The following TPPP variants were observed in gnomAD, a reference collection of about 807,000 sequenced individuals.
TPPP encodes the protein tubulin polymerization-promoting protein.
TPPP carries 6 observed loss-of-function variants against 15.5 expected under a neutral mutation model. The ratio of observed to expected loss-of-function variants is 0.39; its 90% CI spans 0.21 to 0.77. The LOEUF (loss-of-function observed/expected upper bound fraction) is 0.77. Among genes scored for constraint, TPPP ranks in the 30% least tolerant of loss-of-function variants. The pLI is 0.42. For synonymous variants in TPPP, 146 were observed against 133.9 expected (o/e 1.09, Z -0.63); for missense variants, 269 against 307.2 (o/e 0.88, Z 0.93).
the TPPP span, among the ~76,000 whole-genome samples, chr5:699,659 A>G: frequency 6.6e-6 from 1 of 151,876 alleles, no homozygotes; most frequent in Non-Finnish European, 1.5e-5. Flanking sequence ...AAAAGAAACT[A>G]TCAACAGGGT....
the TPPP span, among the ~76,000 whole-genome samples, chr5:700,438 G>T: frequency 6.6e-6 from 1 of 152,104 alleles, no homozygotes; most frequent in African/African-American, 2.4e-5. Flanking sequence ...CACTCCAAAA[G>T]GTGGGAGGGT....
At chr5:676,237 C>G (rs1218978065) in intron 2 of TPPP, 1 of 152,304 alleles carries the variant, frequency 6.6e-6, no homozygotes. Flanking sequence ...CAACAGGAAG[C>G]TCAGCAGGAC....
chr5:669,032 G>A (rs560517922), intron 2 of TPPP, among the ~76,000 whole-genome samples: 16 of 152,322 alleles, frequency 1.1e-4, no homozygotes, highest in African/African-American at 2.4e-4. Flanking sequence ...CATCAACAGC[G>A]CTGAGCCAAA....
Position 692,602 on chromosome 5 carries a change from G to A in TPPP, c.-5+676C>T, listed in dbSNP as rs1431823394. 3 of 982,698 alleles carry A rather than the reference G, an allele frequency of 3.1e-6. No individual in the cohort carries two copies. The East Asian group carries it at 3.4e-4, about 112-fold the overall frequency. The allele number at this position is 982,698 out of a possible 1,614,324, so 60.9% of individuals were successfully genotyped here. A position where few individuals can be genotyped will look rare whatever the true frequency, so the allele number is the denominator to read the frequency against. Reference sequence around the variant, plus strand: ...TACGTAACCGAAACCGCAGAATAAAGGGCTCCTCAGATCTTCGGGCGCTGC... The same window carrying A: ...TACGTAACCGAAACCGCAGAATAAAAGGCTCCTCAGATCTTCGGGCGCTGC... On this transcript the variant is annotated intron_variant, in intron 1 of 3. Coordinates refer to ENST00000360578, the MANE Select transcript of TPPP (RefSeq NM_007030.3).
Position 664,985 on chromosome 5 carries a change from C to T in TPPP, c.*117G>A, listed in dbSNP as rs1335856814. On this transcript the variant is annotated 3_prime_UTR_variant, in exon 4 of 4. Coordinates refer to ENST00000360578, the MANE Select transcript of TPPP (RefSeq NM_007030.3). ...GCCTGGGCCTGGCCGCCCCCCAGCCCCCTCTGGGGCACCCGTCTGAGTTCT... is the reference window on the plus strand; with the variant it reads ...GCCTGGGCCTGGCCGCCCCCCAGCCTCCTCTGGGGCACCCGTCTGAGTTCT... 1.5e-6 allele frequency: 2 copies of T among 1,299,296 alleles called. No individual in the cohort carries two copies. The highest frequency in any genetic ancestry group is 1.4e-5 in the South Asian group (1 of 70,728). 80.5% of individuals were successfully genotyped at this position (1,299,296 alleles called of 1,614,324 possible).
upstream of TPPP, among the ~76,000 whole-genome samples, chr5:696,848 GTATGTTCAGC>G: frequency 2.1e-5 from 2 of 95,618 alleles, no homozygotes; most frequent in Admixed American, 1.1e-4. Flanking sequence ...GTTCAGCTGT[GTATGTTCAGC>G]TGTGTGTGTG....
intron 2 of TPPP, among the ~76,000 whole-genome samples, chr5:677,414 G>A (rs1475212136): frequency 6.6e-6 from 1 of 152,188 alleles, no homozygotes; most frequent in Non-Finnish European, 1.5e-5. Context: ...TGACTCCGGG[G>A]AGCAGCATTC....
chr5:681,558 G>T (rs1740622549), intron 1 of TPPP, among the ~76,000 whole-genome samples: 1 of 152,212 alleles, frequency 6.6e-6, no homozygotes, highest in African/African-American at 2.4e-5. Flanking sequence ...GACGTGCCAA[G>T]CCCTGACCTG....
At chr5:669,472 C>G (rs1740110669) in intron 2 of TPPP, among the ~76,000 whole-genome samples, 1 of 152,148 alleles carries the variant, frequency 6.6e-6, no homozygotes, top group Non-Finnish European at 1.5e-5. Flanking sequence ...GGGGTGTTGA[C>G]TCTCTGGGGC....
rs1561080452 is a variant in TPPP at position 666,155 on chromosome 5, G to GGGGCA, written c.312-33_312-32insTGCCC. The GGGGCA allele has an allele frequency of 5.1e-6, 8 of 1,568,214 alleles. No individual in the cohort carries two copies. The South Asian group carries it at 9.0e-5, about 18-fold the overall frequency. ...GGGCACAGGCGACTTAGGGCTGGGC[G>GGGGCA]CGGGCCGGCCCAGGGCTGCCCTCCC... is the stretch of plus-strand genomic sequence containing the variant. On this transcript the variant is annotated intron_variant, in intron 2 of 3. Transcript: ENST00000360578.
chr5:676,571 G>A (rs1437902299), intron 2 of TPPP: 1 of 152,274 alleles, frequency 6.6e-6, no homozygotes, highest in Non-Finnish European at 1.5e-5. Flanking sequence ...GGAGGACGCA[G>A]GTGCAAACCA....
intron 1 of TPPP, among the ~76,000 whole-genome samples, chr5:688,638 T>G (rs1740826142): frequency 6.7e-6 from 1 of 149,460 alleles, no homozygotes; most frequent in African/African-American, 2.4e-5. Flanking sequence ...GCAGGCGGCC[T>G]GGGGACACGT....
intron 1 of TPPP, among the ~76,000 whole-genome samples, chr5:688,770 C>T (rs1346085782): frequency 1.5e-5 from 2 of 130,714 alleles, no homozygotes; most frequent in South Asian, 2.6e-4. Context: ...GGTGCCACCC[C>T]GCCGAGGGGC....
At chr5:666,222 AG>A in intron 2 of TPPP, 99 bp from the exon 3 acceptor site, 1 of 1,407,426 alleles carries the variant, frequency 7.1e-7, no homozygotes, top group African/African-American at 1.4e-5. Flanking sequence ...ATGGCCCAGC[AG>A]CCCACAGGCT....
intron 2 of TPPP, among the ~76,000 whole-genome samples, chr5:677,458 C>T (rs1740487752): frequency 2.0e-5 from 3 of 152,218 alleles, no homozygotes; most frequent in Admixed American, 6.5e-5. Context: ...GACATCCCCT[C>T]ATAGGCCACC....
intron 2 of TPPP, among the ~76,000 whole-genome samples, chr5:669,380 C>T (rs776394972): frequency 2.6e-5 from 4 of 152,170 alleles, no homozygotes; most frequent in East Asian, 1.9e-4. Context: ...GACACCCGCA[C>T]GTTCCCTGTG....
At chr5:674,352 G>A (rs1332194049) in intron 2 of TPPP, among the ~76,000 whole-genome samples, 1 of 152,196 alleles carries the variant, frequency 6.6e-6, no homozygotes, top group East Asian at 1.9e-4. Flanking sequence ...GAGCACTGGG[G>A]GGCACAGGGG....
chr5:662,173 GCTCCGGCCA>G lies in TPPP; in HGVS notation c.*2920_*2928del, dbSNP rs1204730042. ...CAAGATGGGAGCCATGAGCCCCGCC[GCTCCGGCCA>G]CTCCAGCCAGGTCTGGGAAGGGCTG... is the stretch of plus-strand genomic sequence containing the variant. On this transcript the variant is annotated 3_prime_UTR_variant, in exon 4 of 4. Coordinates refer to ENST00000360578, the MANE Select transcript of TPPP (RefSeq NM_007030.3). The G allele has an allele frequency of 1.0e-4, 15 of 149,064 alleles. No homozygotes were observed. The highest frequency in any genetic ancestry group is 3.1e-4 in the African/African-American group (12 of 38,116). 9.2% of individuals were successfully genotyped at this position (149,064 alleles called of 1,614,324 possible).
intron 1 of TPPP, among the ~76,000 whole-genome samples, chr5:688,314 C>G (rs1286761603): frequency 6.9e-6 from 1 of 145,046 alleles, no homozygotes; most frequent in African/African-American, 2.5e-5. Context: ...TCAGGGACAG[C>G]GGGCATCCCC....
Sources: allele counts gnomAD v4.1 joint callset (sites outside exome capture counted in the v4.1 genomes callset), GRCh38; gene constraint gnomAD v4.1.1; transcripts MANE v1.5; gene names NCBI Gene and HGNC (gene_info 2026-07-23, HGNC 2026-07-21).